RALGAPA1: variants seen among roughly 807,000 people sequenced by gnomAD.
The protein encoded by RALGAPA1 is ral GTPase-activating protein subunit alpha-1.
Under a neutral mutation model 269.6 loss-of-function variants are expected in RALGAPA1, and 52 were observed. That is an observed-to-expected ratio of 0.19 (90% CI 0.15 to 0.24). The LOEUF (loss-of-function observed/expected upper bound fraction) is 0.24. RALGAPA1 is among the 10% of genes least tolerant of loss of function. The pLI is 1.00. For missense variants in RALGAPA1, 1,917 were observed against 3,013.9 expected, an observed-to-expected ratio of 0.64 and a Z score of 8.52; for synonymous variants, 817 against 1,008.3, an observed-to-expected ratio of 0.81 and a Z score of 3.60.
chr14:35,709,459 A>C (rs1210193594), intron 16 of RALGAPA1, among the ~76,000 whole-genome samples: 1 of 152,004 alleles, frequency 6.6e-6, no homozygotes, highest in Non-Finnish European at 1.5e-5. Flanking sequence ...TTATTTTCTT[A>C]TTTAACTTAG....
chr14:35,601,768 T>C (rs1471149967), intron 36 of RALGAPA1, among the ~76,000 whole-genome samples: 5 of 152,206 alleles, frequency 3.3e-5, no homozygotes, highest in East Asian at 1.9e-4. Context: ...TTGTTTTATA[T>C]GTAATGTCTT....
intron 37 of RALGAPA1, among the ~76,000 whole-genome samples, chr14:35,574,168 G>A (rs937678863): frequency 3.9e-5 from 6 of 152,156 alleles, no homozygotes; most frequent in Admixed American, 1.3e-4. Flanking sequence ...AAAATTAAAT[G>A]AGTTAGGTAA....
intron 7 of RALGAPA1, among the ~76,000 whole-genome samples, chr14:35,754,660 T>C (rs1022397947): frequency 1.3e-5 from 2 of 152,168 alleles, no homozygotes; most frequent in Non-Finnish European, 2.9e-5. Flanking sequence ...AGCTTGGTAG[T>C]TTCTTAAATA....
chr14:35,778,520 AC>A (rs1430526485), intron 1 of RALGAPA1, among the ~76,000 whole-genome samples: 1 of 152,176 alleles, frequency 6.6e-6, no homozygotes, highest in Non-Finnish European at 1.5e-5. Context: ...TTCTTCCAGG[AC>A]TAGTCTAGCA....
intron 35 of RALGAPA1, among the ~76,000 whole-genome samples, chr14:35,615,788 A>G (rs2060211326): frequency 1.3e-5 from 2 of 152,184 alleles, no homozygotes; most frequent in South Asian, 2.1e-4. Context: ...GAAATAAAAA[A>G]GCATAAGGTA....
chr14:35,620,955 C>T (rs1265706194), intron 35 of RALGAPA1, among the ~76,000 whole-genome samples: 1 of 152,152 alleles, frequency 6.6e-6, no homozygotes, highest in Non-Finnish European at 1.5e-5. Context: ...TTTATAGATT[C>T]AATGCCATCC....
chr14:35,801,361 T>TG (rs1386981345), intron 1 of RALGAPA1, among the ~76,000 whole-genome samples: 3 of 151,926 alleles, frequency 2.0e-5, no homozygotes, highest in Admixed American at 6.6e-5. Flanking sequence ...CTCTGCCTCC[T>TG]GGGTTCAGGT....
chr14:35,727,347 A>G (rs994612098), intron 13 of RALGAPA1, among the ~76,000 whole-genome samples: 7 of 129,306 alleles, frequency 5.4e-5, no homozygotes, highest in African/African-American at 8.4e-5. Flanking sequence ...ATATATATAT[A>G]GTATAATACT....
intron 35 of RALGAPA1, among the ~76,000 whole-genome samples, chr14:35,621,829 A>C (rs755154555): frequency 3.9e-5 from 6 of 152,364 alleles, no homozygotes; most frequent in Non-Finnish European, 4.4e-5. Context: ...ATCTCACAAC[A>C]GTTAGAATGG....
At chr14:35,674,424 C>A in intron 23 of RALGAPA1, 92 bp downstream of exon 23, 1 of 1,302,876 alleles carries the variant, frequency 7.7e-7, no homozygotes, top group Non-Finnish European at 1.1e-6. Context: ...AGTTTATAGT[C>A]AAAAAGGGTG....
intron 22 of RALGAPA1, 53 bp from the exon 23 acceptor site, chr14:35,674,762 AC>A (rs1296895167): frequency 7.2e-6 from 6 of 833,352 alleles, no homozygotes; most frequent in African/African-American, 1.8e-5. Flanking sequence ...TGAACATAAA[AC>A]CCCCCAAGAA....
chr14:35,797,023 G>A (rs1453436698), intron 1 of RALGAPA1, among the ~76,000 whole-genome samples: 2 of 151,962 alleles, frequency 1.3e-5, no homozygotes, highest in Admixed American at 6.6e-5. Flanking sequence ...TCCTGACCTC[G>A]TGATCCGCCC....
rs1595637750 is a variant in RALGAPA1, at chr14:35,808,712, C to T, written c.106+18G>A. The T allele has an allele frequency of 6.2e-7, 1 of 1,605,436 alleles. No homozygotes were observed. Among genetic ancestry groups the T allele is most frequent in the Non-Finnish European group, 8.5e-7 (1 of 1,175,942 alleles). ...CCGGGCAACCCAGGCCTCGGCGCTG[C>T]CACCCCTCGCTCCTCACCGATGACG... On this transcript the variant is annotated intron_variant, in intron 1 of 41. Coordinates refer to ENST00000680220, the MANE Select transcript of RALGAPA1 (RefSeq NM_001346249.2).
intron 35 of RALGAPA1, among the ~76,000 whole-genome samples, chr14:35,612,521 G>GTCTTCT (rs566178373): frequency 6.7e-5 from 10 of 148,608 alleles, no homozygotes; most frequent in South Asian, 2.1e-4. Flanking sequence ...ATTAGGCGAG[G>GTCTTCT]TCTTCTTCTT....
rs79346695 is a variant in RALGAPA1 at position 35,553,004 on chromosome 14, G to T, written c.7497-3770C>A. ...TTCAATTTCAGACTGATCCTGGAAA[G>T]ATAAGCATAAATTTTCTGTGCCATA... is the stretch of plus-strand genomic sequence containing the variant. On this transcript the variant is annotated intron_variant, in intron 39 of 41. Transcript: ENST00000680220. Among the ~76,000 whole-genome samples the T allele has an allele frequency of 5.0e-3, 757 of 152,266 alleles. 3 individuals carry two copies. The highest frequency in any genetic ancestry group is 0.017 in the African/African-American group (723 of 41,560).
At chr14:35,726,058 C>T (rs2069879414) in intron 13 of RALGAPA1, among the ~76,000 whole-genome samples, 1 of 152,126 alleles carries the variant, frequency 6.6e-6, no homozygotes, top group Non-Finnish European at 1.5e-5. Flanking sequence ...GGTGTATCAG[C>T]CCAATTCTCT....
chr14:35,557,122 G>GTA (rs1364384623), intron 39 of RALGAPA1, among the ~76,000 whole-genome samples: 1 of 149,970 alleles, frequency 6.7e-6, no homozygotes, highest in Non-Finnish European at 1.5e-5. Context: ...GTGTGTGTGT[G>GTA]TGTGTGTGTG....
At chr14:35,568,746 T>C (rs745737439) in intron 39 of RALGAPA1, among the ~76,000 whole-genome samples, 1 of 152,160 alleles carries the variant, frequency 6.6e-6, no homozygotes, top group African/African-American at 2.4e-5. Context: ...CTCCTAATGC[T>C]TCAAACAATC....
chr14:35,805,436 C>T (rs866442018), intron 1 of RALGAPA1, among the ~76,000 whole-genome samples: 463 of 136,168 alleles, frequency 3.4e-3, no homozygotes, highest in African/African-American at 0.012. Context: ...AGTGAGACTC[C>T]GTGTCAAAAA....
Sources: gnomAD v4.1 joint callset for allele counts (sites outside exome capture counted in the v4.1 genomes callset) on GRCh38, gnomAD v4.1.1 for gene constraint, MANE v1.5 for transcripts, NCBI Gene and HGNC (gene_info 2026-07-23, HGNC 2026-07-21) for gene names.